TBC1D12: variants seen among roughly 807,000 people sequenced by gnomAD.
TBC1D12 encodes TBC1 domain family, member 12.
Under a neutral mutation model 86.7 loss-of-function variants are expected in TBC1D12, and 56 were observed. That is an observed-to-expected ratio of 0.65 (90% CI 0.52 to 0.81). The LOEUF (loss-of-function observed/expected upper bound fraction) is 0.81. TBC1D12 is among the 30% of genes least tolerant of loss of function. TBC1D12 has a pLI of 0.00. For missense variants in TBC1D12, 1,023 were observed against 1,038.8 expected, an observed-to-expected ratio of 0.98 and a Z score of 0.21; for synonymous variants, 421 against 411.7, an observed-to-expected ratio of 1.02 and a Z score of -0.27.
Position 94,465,666 on chromosome 10 carries a change from A to G in TBC1D12, c.1096-9002A>G, listed in dbSNP as rs1177020854. Among the ~76,000 whole-genome samples, 5 of 88,744 alleles carry G rather than the reference A, an allele frequency of 5.6e-5. No homozygotes were observed. In the East Asian group the frequency reaches 2.4e-3, roughly 42 times the overall value. 58.2% of individuals were successfully genotyped at this position (88,744 alleles called of 152,430 possible). The stretch of plus-strand genomic sequence containing the variant: ...TGCCTAAAAAAAAAAATATATATAT[A>G]TATATGTGTGTGTGTGTGTGTGTGT... On this transcript the variant is annotated intron_variant, in intron 2 of 12. Transcript: ENST00000225235.
At chr10:94,511,473 A>G in intron 8 of TBC1D12, 110 bp from the exon 9 acceptor site, 1 of 738,928 alleles carries the variant, frequency 1.4e-6, no homozygotes, top group Non-Finnish European at 2.4e-6. Context: ...TTTATTAAAT[A>G]TGCTAAAACT....
chr10:94,531,694 T>TTTATGTTATG (rs201764398), intron 12 of TBC1D12, among the ~76,000 whole-genome samples: 1 of 119,440 alleles, frequency 8.4e-6, no homozygotes, highest in Non-Finnish European at 1.9e-5. Context: ...TTTATGTTAT[T>TTTATGTTATG]TTATGTTATG....
intron 1 of TBC1D12, among the ~76,000 whole-genome samples, chr10:94,417,754 T>C (rs939478523): frequency 2.0e-5 from 3 of 150,150 alleles, no homozygotes; most frequent in Non-Finnish European, 4.5e-5. Flanking sequence ...CTTCTTCTTT[T>C]TTTTTTTTTT....
At chr10:94,454,668 T>C (rs1564954389) in intron 2 of TBC1D12, among the ~76,000 whole-genome samples, 2 of 152,254 alleles carry the variant, frequency 1.3e-5, no homozygotes, top group Non-Finnish European at 2.9e-5. Context: ...TGTTTTACAT[T>C]TTAAATTTTA....
At chr10:94,483,147 C>A (rs1319579897) in intron 3 of TBC1D12, among the ~76,000 whole-genome samples, 1 of 146,908 alleles carries the variant, frequency 6.8e-6, no homozygotes, top group Non-Finnish European at 1.5e-5. Flanking sequence ...ACCACATTTT[C>A]TTTACCCACT....
chr10:94,480,105 C>G (rs574584855), intron 3 of TBC1D12, among the ~76,000 whole-genome samples: 1 of 152,280 alleles, frequency 6.6e-6, no homozygotes, highest in South Asian at 2.1e-4. Context: ...GGGTCTCTTG[C>G]AATTAGTGTC....
At chr10:94,436,805 T>A (rs1417357756) in intron 1 of TBC1D12, among the ~76,000 whole-genome samples, 1 of 152,008 alleles carries the variant, frequency 6.6e-6, no homozygotes, top group African/African-American at 2.4e-5. Context: ...TTTTTTTTTT[T>A]TAATGCTTTA....
At chr10:94,487,823 A>C (rs977505270) in intron 3 of TBC1D12, among the ~76,000 whole-genome samples, 9 of 149,784 alleles carry the variant, frequency 6.0e-5, no homozygotes, top group African/African-American at 2.2e-4. Context: ...CAGACTCCCG[A>C]GTAGCTGGGA....
intron 9 of TBC1D12, among the ~76,000 whole-genome samples, chr10:94,514,177 A>G (rs1438795187): frequency 6.6e-6 from 1 of 152,008 alleles, no homozygotes; most frequent in African/African-American, 2.4e-5. Flanking sequence ...GAGTTTTAAG[A>G]CCAGCCTGAG....
chr10:94,523,873 G>A (rs1842218061), intron 11 of TBC1D12, among the ~76,000 whole-genome samples: 1 of 152,142 alleles, frequency 6.6e-6, no homozygotes, highest in African/African-American at 2.4e-5. Context: ...GGAGGCTGAG[G>A]TGGGAGGATT....
intron 1 of TBC1D12, among the ~76,000 whole-genome samples, chr10:94,436,617 T>A (rs1262087258): frequency 2.0e-5 from 3 of 152,134 alleles, no homozygotes; most frequent in African/African-American, 7.2e-5. Flanking sequence ...TTTTCTTTAA[T>A]GTGGTTCAAT....
In TBC1D12 at chr10:94,403,548, C is replaced by A; in HGVS notation, c.935C>A (p.Ala312Asp). Residue 312 changes from alanine (A) to aspartate (D), a missense_variant, in exon 1 of 13, where the codon GCT (alanine) becomes GAT (aspartate). Ala to Asp is a moderately radical substitution (Grantham distance 126). This residue lies in a region of TBC1D12 where 628 missense variants were observed against 531.1 expected (regional missense o/e 1.18). Coordinates refer to ENST00000225235, the MANE Select transcript of TBC1D12 (RefSeq NM_015188.2). ...GGTCCTGCGGGGGCTTCGGCCCGGG[C>A]TCGACGGAGTGGCGGCTTCGCGGAC... is the stretch of plus-strand genomic sequence containing the variant. ...EQGPAGASAR[A>D]RRSGGFADFF... The A allele has an allele frequency of 6.6e-7, 1 of 1,506,270 alleles. No homozygotes were observed. Among genetic ancestry groups the A allele is most frequent in the South Asian group, 1.3e-5 (1 of 74,188 alleles). The allele number at this position is 1,506,270 out of a possible 1,614,324, so 93.3% of individuals were successfully genotyped here. A position where few individuals can be genotyped will look rare whatever the true frequency, so the allele number is the denominator to read the frequency against.
At chr10:94,413,795 C>T (rs1241449241) in intron 1 of TBC1D12, among the ~76,000 whole-genome samples, 11 of 150,770 alleles carry the variant, frequency 7.3e-5, no homozygotes, top group Non-Finnish European at 1.5e-5. Context: ...AAAAATATTT[C>T]CATCTGCTTG....
At chr10:94,449,713 A>C (rs1428280637) in intron 2 of TBC1D12, among the ~76,000 whole-genome samples, 1 of 152,140 alleles carries the variant, frequency 6.6e-6, no homozygotes, top group Non-Finnish European at 1.5e-5. Flanking sequence ...GTCCATTGAA[A>C]CTCAAAGTCA....
At chr10:94,508,167 G>C (rs1331449100) in intron 7 of TBC1D12, among the ~76,000 whole-genome samples, 1 of 151,030 alleles carries the variant, frequency 6.6e-6, no homozygotes, top group African/African-American at 2.4e-5. Flanking sequence ...GCCCTTTCTT[G>C]CCTGTTTTCC....
At chr10:94,403,637 C>G in intron 1 of TBC1D12, 53 bp downstream of exon 1, 1 of 1,403,660 alleles carries the variant, frequency 7.1e-7, no homozygotes, top group East Asian at 2.9e-5. Context: ...GGGGCCGGAG[C>G]CGGGGTCTTG....
chr10:94,454,022 C>G (rs1257010401), intron 2 of TBC1D12, among the ~76,000 whole-genome samples: 1 of 152,142 alleles, frequency 6.6e-6, no homozygotes, highest in African/African-American at 2.4e-5. Context: ...TTGTAGCCTT[C>G]TGGTAAGTCT....
At chr10:94,441,304 A>G (rs137864722) in intron 1 of TBC1D12, among the ~76,000 whole-genome samples, 137 of 152,106 alleles carry the variant, frequency 9.0e-4, no homozygotes, top group Non-Finnish European at 1.6e-3. Flanking sequence ...AGTAGATATA[A>G]TTTTATTATA....
chr10:94,479,076 C>A (rs1589646053), intron 3 of TBC1D12, among the ~76,000 whole-genome samples: 1 of 152,184 alleles, frequency 6.6e-6, no homozygotes, highest in East Asian at 1.9e-4. Context: ...GGCTCAGAGT[C>A]CAGTCAGAAA....
Sources: allele counts gnomAD v4.1 joint callset (sites outside exome capture counted in the v4.1 genomes callset), GRCh38; gene constraint gnomAD v4.1.1; regional missense constraint gnomAD v4.1.1; transcripts MANE v1.5; gene names NCBI Gene and HGNC (gene_info 2026-07-23, HGNC 2026-07-21).